Variants in RPP30 observed in about 807,000 individuals in gnomAD.
The protein encoded by RPP30 is ribonuclease P/MRP subunit p30.
Under a neutral mutation model 38.6 loss-of-function variants are expected in RPP30, and 36 were observed. The observed-to-expected ratio is 0.93, with a 90% CI of 0.71 to 1.23. The LOEUF (loss-of-function observed/expected upper bound fraction) is 1.23, where lower values mean the gene tolerates loss of function less well. Among genes scored for constraint, RPP30 ranks in the 50% most tolerant of loss-of-function variants. RPP30 has a pLI of 0.00. For synonymous variants in RPP30, 126 were observed against 112.7 expected (o/e 1.12, Z -0.75); for missense variants, 321 against 321.7 (o/e 1.00, Z 0.02).
chr10:90,872,472 G>A (rs1057213278), intron 1 of RPP30, among the ~76,000 whole-genome samples: 2 of 152,194 alleles, frequency 1.3e-5, no homozygotes, highest in Non-Finnish European at 2.9e-5. Flanking sequence ...AGGAAGCGCC[G>A]TGGAGGCTCG....
intron 9 of RPP30, 122 bp downstream of exon 9, chr10:90,896,039 C>A: frequency 2.7e-6 from 2 of 751,908 alleles, no homozygotes; most frequent in Non-Finnish European, 4.4e-6. Context: ...CAATTAATAA[C>A]TTCAAAAATA....
downstream of RPP30, among the ~76,000 whole-genome samples, chr10:90,906,859 C>T (rs967701849): frequency 1.3e-5 from 2 of 151,962 alleles, no homozygotes; most frequent in African/African-American, 2.4e-5. Context: ...AGAGCAAACA[C>T]AAAATGAAAG....
At chr10:90,894,753 G>C (rs1847120052) in intron 6 of RPP30, 22 bp from the exon 7 acceptor site, 1 of 1,555,752 alleles carries the variant, frequency 6.4e-7, no homozygotes, top group Admixed American at 1.7e-5. Flanking sequence ...ATCTCTGACA[G>C]TTCTCTTTAT....
At position 90,895,453 on chromosome 10, in the gene RPP30, G is replaced by T; in HGVS notation, c.550-1G>T. 7.1e-7 allele frequency: 1 copy of T among 1,400,568 alleles called. No individual in the cohort carries two copies. The highest frequency in any genetic ancestry group is 1.5e-5 in the South Asian group (1 of 65,326). 86.8% of individuals were successfully genotyped at this position (1,400,568 alleles called of 1,614,324 possible). A position where few individuals can be genotyped will look rare whatever the true frequency, so the allele number is the denominator to read the frequency against. On this transcript the variant is annotated splice_acceptor_variant, in intron 7 of 10. Transcript: ENST00000371703. LOFTEE classifies it high-confidence loss of function. ...AATATTAGTCACTTTCTATTTTGTA[G>T]AATGTAATTATATCTAGTGCTGCAG...
At position 90,895,889 on chromosome 10, in the gene RPP30, A is replaced by G. The variant is rs1020620061; in HGVS notation, c.589A>G (p.Ile197Val). ...GTTCATTTTATTTCAGCCTTTAGAA[A>G]TAAGAGGGCCATATGACGTGGCAAA... Reference protein sequence around the residue: ...ISSAAERPLEIRGPYDVANLG... With the variant: ...ISSAAERPLEVRGPYDVANLG... The change falls in exon 9 of 11, where the codon ATA becomes GTA. Residue 197 changes from isoleucine (I) to valine (V), a missense_variant. Ile to Val is a conservative substitution (Grantham distance 29). Coordinates refer to ENST00000371703, the MANE Select transcript of RPP30 (RefSeq NM_006413.5). The G allele has an allele frequency of 1.9e-6, 3 of 1,597,580 alleles. No homozygotes were observed. Among genetic ancestry groups the G allele is most frequent in the Non-Finnish European group, 2.6e-6 (3 of 1,171,754 alleles).
intron 6 of RPP30, among the ~76,000 whole-genome samples, chr10:90,893,271 C>G (rs766515475): frequency 5.3e-5 from 8 of 152,082 alleles, no homozygotes; most frequent in Non-Finnish European, 8.8e-5. Flanking sequence ...GATGGACTGC[C>G]AGTTCTAGAA....
intron 5 of RPP30, chr10:90,880,128 A>G (rs1263467320): frequency 6.6e-6 from 1 of 152,046 alleles, no homozygotes; most frequent in Non-Finnish European, 1.5e-5. Flanking sequence ...GTCAATTAAG[A>G]TAACTGACTG....
Position 90,875,460 on chromosome 10 carries a change from A to C in RPP30, c.139-98A>C. ...AATCACCTTGCTTTCTTTTTAAAAA[A>C]AATGCATATTTTTTCTGAGAACACC... is the stretch of plus-strand genomic sequence containing the variant. On this transcript the variant is annotated intron_variant, in intron 2 of 10. Coordinates refer to ENST00000371703, the MANE Select transcript of RPP30 (RefSeq NM_006413.5). 3 of 928,696 alleles carry C rather than the reference A, an allele frequency of 3.2e-6. No homozygotes were observed. The South Asian group carries it at 5.1e-5, about 16-fold the overall frequency. The allele number at this position is 928,696 out of a possible 1,614,324, so 57.5% of individuals were successfully genotyped here.
At chr10:90,902,267 G>T (rs1321693785), downstream of RPP30, 3 of 476,348 alleles carry the variant, frequency 6.3e-6, no homozygotes, top group South Asian at 5.5e-5. Context: ...ACCCAGGCTG[G>T]AGTGCAGTGG....
chr10:90,895,638 C>A (rs1564715076), intron 8 of RPP30, 155 bp downstream of exon 8: 1 of 516,338 alleles, frequency 1.9e-6, no homozygotes, highest in Non-Finnish European at 3.3e-6. Context: ...TAAAATTTAT[C>A]CCCACTTTCT....
chr10:90,875,663 A>G, intron 3 of RPP30, 49 bp downstream of exon 3: 1 of 1,471,998 alleles, frequency 6.8e-7, no homozygotes, highest in Non-Finnish European at 9.5e-7. Context: ...ATTCAGTTAA[A>G]AGGTACCTAA....
chr10:90,885,788 T>C, intron 5 of RPP30, 24 bp from the exon 6 acceptor site: 1 of 1,536,110 alleles, frequency 6.5e-7, no homozygotes, highest in Middle Eastern at 1.7e-4. Context: ...CTTTTGGCCT[T>C]ACCTATTTTT....
intron 10 of RPP30, among the ~76,000 whole-genome samples, chr10:90,897,937 C>G (rs1292539106): frequency 6.6e-6 from 1 of 152,064 alleles, no homozygotes; most frequent in East Asian, 1.9e-4. Flanking sequence ...TATAAACAAT[C>G]CAATTATGCT....
At position 90,875,556 on chromosome 10, in the gene RPP30, A is replaced by G. The variant is rs149794455; in HGVS notation, c.139-2A>G. 9.3e-6 allele frequency: 15 copies of G among 1,612,572 alleles called. No individual in the cohort carries two copies. The highest frequency in any genetic ancestry group is 1.7e-5 in the Admixed American group (1 of 60,020). On this transcript the variant is annotated splice_acceptor_variant, in intron 2 of 10. Transcript: ENST00000371703. LOFTEE classifies it high-confidence loss of function. ...GCAGTAACTATTTATCGTTTGTTGT[A>G]GGAAATTGAAAAACCAGTAGCTGTT... is the stretch of plus-strand genomic sequence containing the variant.
rs765882555 is a variant in RPP30 at position 90,876,137 on chromosome 10, G to A, written c.270+39G>A. The A allele has an allele frequency of 8.8e-6, 11 of 1,243,200 alleles. No homozygotes were observed. In the African/African-American group the frequency reaches 1.6e-4, roughly 19 times the overall value. 77.0% of individuals were successfully genotyped at this position (1,243,200 alleles called of 1,614,324 possible). On this transcript the variant is annotated intron_variant, in intron 4 of 10. Coordinates refer to ENST00000371703, the MANE Select transcript of RPP30 (RefSeq NM_006413.5). ...TTTTCTTCTCTCCTTTTGGCTTTGT[G>A]AGTTGTATTGATTAATGTTGAACAA...
chr10:90,873,024 AG>A (rs1846802725), intron 1 of RPP30, among the ~76,000 whole-genome samples: 1 of 152,182 alleles, frequency 6.6e-6, no homozygotes, highest in African/African-American at 2.4e-5. Context: ...AAGTTTTCCT[AG>A]GTGTAGTTTG....
At chr10:90,878,882 G>GA (rs1846886976) in intron 4 of RPP30, among the ~76,000 whole-genome samples, 181 bp from the exon 5 acceptor site, 1 of 152,200 alleles carries the variant, frequency 6.6e-6, no homozygotes, top group African/African-American at 2.4e-5. Context: ...TGGTGAGATG[G>GA]ATATTTGTAT....
chr10:90,897,591 A>G (rs1847155210), intron 10 of RPP30, among the ~76,000 whole-genome samples: 1 of 152,176 alleles, frequency 6.6e-6, no homozygotes, highest in Non-Finnish European at 1.5e-5. Flanking sequence ...TAGTTCTGTC[A>G]TTATTTTGAT....
intron 4 of RPP30, among the ~76,000 whole-genome samples, chr10:90,877,013 A>G (rs1212955815): frequency 6.6e-6 from 1 of 152,142 alleles, no homozygotes. Flanking sequence ...GAGAGTTTCA[A>G]AAGAGCCCGT....
Sources: allele counts gnomAD v4.1 joint callset (sites outside exome capture counted in the v4.1 genomes callset), GRCh38; gene constraint gnomAD v4.1.1; transcripts MANE v1.5; gene names NCBI Gene and HGNC (gene_info 2026-07-23, HGNC 2026-07-21).